The following ATPAF1 variants were observed in gnomAD, a reference collection of about 807,000 sequenced individuals.
ATPAF1 encodes homolog of yeast ATP11.
In ATPAF1, 26 loss-of-function variants were observed where a neutral mutation model predicts 43.9. The ratio of observed to expected loss-of-function variants is 0.59; its 90% CI spans 0.43 to 0.82. The LOEUF (loss-of-function observed/expected upper bound fraction) is 0.82. ATPAF1 is among the 40% of genes least tolerant of loss of function. The pLI, the probability that ATPAF1 is intolerant of heterozygous loss-of-function variation, is 0.00. For missense variants in ATPAF1, 366 were observed against 435.0 expected, an observed-to-expected ratio of 0.84 and a Z score of 1.41; for synonymous variants, 157 against 168.0, an observed-to-expected ratio of 0.93 and a Z score of 0.50.
intron 1 of ATPAF1, chr1:46,665,715 C>T (rs906406615): frequency 6.9e-5 from 106 of 1,529,198 alleles, no homozygotes; most frequent in Non-Finnish European, 9.0e-5. Context: ...CCTATAGCCT[C>T]CTTACTAGGT....
chr1:46,658,227 A>T (rs554968996), intron 3 of ATPAF1, 38 bp from the exon 4 acceptor site: 59 of 420,434 alleles, frequency 1.4e-4, no homozygotes, highest in Middle Eastern at 7.2e-4. Flanking sequence ...ACACATAATT[A>T]AAAAAAAAAA....
intron 3 of ATPAF1, 52 bp from the exon 4 acceptor site, chr1:46,658,241 A>C (rs762771751): frequency 9.3e-6 from 12 of 1,293,390 alleles, no homozygotes; most frequent in Admixed American, 4.4e-5. Context: ...AAAAAAAAAA[A>C]CAGCTTAACT....
In ATPAF1 at chr1:46,668,091, C is replaced by A. The variant is rs1365495090; in HGVS notation, c.232G>T (p.Asp78Tyr). 8 of 1,454,380 alleles carry A rather than the reference C, an allele frequency of 5.5e-6. No individual in the cohort carries two copies. The African/African-American group carries it at 7.4e-5, about 13-fold the overall frequency. The allele number at this position is 1,454,380 out of a possible 1,614,324, so 90.1% of individuals were successfully genotyped here. A position where few individuals can be genotyped will look rare whatever the true frequency, so the allele number is the denominator to read the frequency against. The change falls in exon 1 of 9, where the codon GAC (aspartate) becomes TAC (tyrosine). Residue 78 changes from aspartate (D) to tyrosine (Y), a missense_variant. Asp to Tyr is a radical substitution (Grantham distance 160). Around this residue, in one of 2 missense-constraint regions of ATPAF1, gnomAD observed 186 missense variants for 168.5 expected, o/e 1.10. Coordinates refer to ENST00000574428, the Ensembl canonical transcript of ATPAF1. The surrounding 1 kb of genome is among the most constrained non-coding windows in gnomAD (Gnocchi z 4.4). ...AGCTGGATCTTGTCGCGGTAGCGGT[C>A]GTAGAAAGGGTTGGCCTGGAGCTCG...
chr1:46,665,966 G>A, intron 1 of ATPAF1: 2 of 806,094 alleles, frequency 2.5e-6, no homozygotes, highest in Non-Finnish European at 3.4e-6. Context: ...TCCAGGCTGG[G>A]GTGCTGTCCC....
At chr1:46,635,932 C>T in exon 9 of ATPAF1, 1 of 1,614,254 alleles carries the variant, frequency 6.2e-7, no homozygotes, top group Non-Finnish European at 8.5e-7. Flanking sequence ...CGTAGAAGAG[C>T]TGAACTTGGT....
intron 6 of ATPAF1, among the ~76,000 whole-genome samples, chr1:46,648,300 T>C (rs2148818822): frequency 6.6e-6 from 1 of 152,148 alleles, no homozygotes; most frequent in African/African-American, 2.4e-5. Context: ...TTAGTAGAGA[T>C]GGGTTTTCGC....
intron 2 of ATPAF1, chr1:46,664,980 T>C: frequency 2.6e-6 from 1 of 391,644 alleles, no homozygotes; most frequent in Non-Finnish European, 4.7e-6. Context: ...CTCTGATACC[T>C]CTAGCCTACT....
At chr1:46,636,574 C>G (rs1675844589) in intron 8 of ATPAF1, among the ~76,000 whole-genome samples, 1 of 152,114 alleles carries the variant, frequency 6.6e-6, no homozygotes, top group Non-Finnish European at 1.5e-5. Flanking sequence ...CCTAATTTCC[C>G]TTTCCTTGGG....
At chr1:46,636,623 CTA>C (rs1675845372) in intron 8 of ATPAF1, among the ~76,000 whole-genome samples, 2 of 151,626 alleles carry the variant, frequency 1.3e-5, no homozygotes, top group African/African-American at 4.8e-5. Context: ...AACAAGTAGA[CTA>C]TGACAAAATG....
At chr1:46,658,591 C>G (rs1280500341) in intron 3 of ATPAF1, 96 bp downstream of exon 3, 14 of 886,112 alleles carry the variant, frequency 1.6e-5, no homozygotes, top group Non-Finnish European at 2.4e-5. Context: ...CACAAAATCA[C>G]TGAGCCACAG....
rs147785005 is a variant in ATPAF1, at chr1:46,643,031, T to C, written c.792+163A>G. Among the ~76,000 whole-genome samples the C allele has an allele frequency of 8.9e-4, 136 of 152,312 alleles. 1 individual carries two copies. The East Asian group carries it at 0.025, about 28-fold the overall frequency. ...ATTGAGGATCTGTACTAACTTCAAATTGGAAGATCTTGAGCAAGACAACTT... is the reference window on the plus strand; with the variant it reads ...ATTGAGGATCTGTACTAACTTCAAACTGGAAGATCTTGAGCAAGACAACTT... On this transcript the variant is annotated intron_variant, in intron 8 of 8. Coordinates refer to ENST00000574428, the Ensembl canonical transcript of ATPAF1.
At chr1:46,662,789 A>G (rs1229534593) in intron 2 of ATPAF1, among the ~76,000 whole-genome samples, 1 of 151,840 alleles carries the variant, frequency 6.6e-6, no homozygotes, top group African/African-American at 2.4e-5. Context: ...ATTTTTTTCT[A>G]TTTTTATTAT....
chr1:46,656,871 G>A (rs561506427), intron 4 of ATPAF1, among the ~76,000 whole-genome samples: 27 of 152,276 alleles, frequency 1.8e-4, no homozygotes, highest in African/African-American at 5.5e-4. Context: ...TCCGTTTTGC[G>A]GAGGCTAAAA....
rs958610117 is a variant in ATPAF1, at chr1:46,668,150, C to G, written c.173G>C (p.Gly58Ala). 5.1e-5 allele frequency: 71 copies of G among 1,404,454 alleles called. No individual in the cohort carries two copies. The highest frequency in any genetic ancestry group is 1.3e-4 in the Admixed American group (4 of 31,282). 87.0% of individuals were successfully genotyped at this position (1,404,454 alleles called of 1,614,324 possible). A position where few individuals can be genotyped will look rare whatever the true frequency, so the allele number is the denominator to read the frequency against. ...CCCGACCCCGCTGCTGTCGGCGCCCCCCTCGGGCCGGCCCGAGCCGGGGCG... is the reference window on the plus strand; with the variant it reads ...CCCGACCCCGCTGCTGTCGGCGCCCGCCTCGGGCCGGCCCGAGCCGGGGCG... The change falls in exon 1 of 9, where the codon GGG becomes GCG. Residue 58 changes from glycine (G) to alanine (A), a missense_variant. By Grantham distance (60) the Gly-to-Ala change is moderately conservative. Coordinates refer to ENST00000574428, the Ensembl canonical transcript of ATPAF1. This position sits in a 1 kb window ranked among gnomAD's most constrained non-coding sequence, Gnocchi z 4.4.
chr1:46,645,315 C>G, intron 6 of ATPAF1, 59 bp from the exon 7 acceptor site: 6 of 1,299,688 alleles, frequency 4.6e-6, no homozygotes, highest in Non-Finnish European at 6.7e-6. Flanking sequence ...TGCTCTATAT[C>G]CAACCACCTG....
At chr1:46,647,081 C>A (rs1005386546) in intron 6 of ATPAF1, among the ~76,000 whole-genome samples, 1 of 152,166 alleles carries the variant, frequency 6.6e-6, no homozygotes. Context: ...TCCAGGAATG[C>A]CTCCCAAATG....
At position 46,668,350 on chromosome 1, in the gene ATPAF1, A is replaced by C; in HGVS notation, c.-28T>G. 7.6e-7 allele frequency: 1 copy of C among 1,323,298 alleles called. No individual in the cohort carries two copies. Among genetic ancestry groups the C allele is most frequent in the Non-Finnish European group, 9.7e-7 (1 of 1,033,320 alleles). The allele number at this position is 1,323,298 out of a possible 1,614,324, so 82.0% of individuals were successfully genotyped here. Reference sequence around the variant, plus strand: ...CCGCCCCCGCCTCCTCCTCCTCCTCAGGCGCGTCGGCCTCGGCCCGCGGCC... The same window carrying C: ...CCGCCCCCGCCTCCTCCTCCTCCTCCGGCGCGTCGGCCTCGGCCCGCGGCC... On this transcript the variant is annotated 5_prime_UTR_variant, in exon 1 of 9. Transcript: ENST00000574428. The surrounding 1 kb of genome is among the most constrained non-coding windows in gnomAD (Gnocchi z 4.4).
intron 1 of ATPAF1, chr1:46,665,977 T>C: frequency 1.5e-6 from 1 of 648,236 alleles, no homozygotes; most frequent in East Asian, 5.7e-5. Flanking sequence ...GTGCTGTCCC[T>C]ATTAAGAATT....
At chr1:46,637,110 C>T (rs191280648) in intron 8 of ATPAF1, among the ~76,000 whole-genome samples, 3 of 152,310 alleles carry the variant, frequency 2.0e-5, no homozygotes, top group Admixed American at 2.0e-4. Context: ...ATTTGTTATG[C>T]AGCCATTTAT....
Sources: gnomAD v4.1 joint callset for allele counts (sites outside exome capture counted in the v4.1 genomes callset) on GRCh38, gnomAD v4.1.1 for gene constraint, gnomAD v4.1.1 regional missense constraint, Gnocchi (gnomAD v3.1) non-coding constraint, MANE v1.5 for transcripts, NCBI Gene and HGNC (gene_info 2026-07-23, HGNC 2026-07-21) for gene names.